MCIDAS: variants seen among roughly 807,000 people sequenced by gnomAD.
MCIDAS encodes multicilin.
Under a neutral mutation model 35.4 loss-of-function variants are expected in MCIDAS, and 23 were observed. The observed-to-expected ratio is 0.65, with a 90% confidence interval of 0.47 to 0.92. The LOEUF is 0.92. MCIDAS is among the 40% of genes least tolerant of loss of function. The pLI is 0.00. For missense variants in MCIDAS, 480 were observed against 531.8 expected, an observed-to-expected ratio of 0.90 and a Z score of 0.96; for synonymous variants, 228 against 235.2, an observed-to-expected ratio of 0.97 and a Z score of 0.28.
chr5:55,221,219 A>T, intron 5 of MCIDAS, 93 bp from the exon 6 acceptor site: 1 of 790,568 alleles, frequency 1.3e-6, no homozygotes. Flanking sequence ...CTGACGTCTC[A>T]TCAGGAACTG....
rs1315556069 is a variant in MCIDAS, at chr5:55,226,864, G to C, written c.188C>G (p.Pro63Arg). 9.3e-6 allele frequency: 13 copies of C among 1,390,730 alleles called. No individual in the cohort carries two copies. The East Asian group carries it at 3.6e-4, about 39-fold the overall frequency. 86.1% of individuals were successfully genotyped at this position (1,390,730 alleles called of 1,614,324 possible). A position where few individuals can be genotyped will look rare whatever the true frequency, so the allele number is the denominator to read the frequency against. Reference sequence around the variant, plus strand: ...CAGCGCTGTGGGCTCGGCGTCCGGGGGATCCTCGTACACCGACACCGGGCT... The same window carrying C: ...CAGCGCTGTGGGCTCGGCGTCCGGGCGATCCTCGTACACCGACACCGGGCT... ...GGSPVSVYED[P>R]PDAEPTALPA... Residue 63 changes from proline to arginine, a missense_variant, in exon 2 of 7, where the codon CCC (proline) becomes CGC (arginine). By Grantham distance (103) the Pro-to-Arg change is moderately radical. Coordinates refer to ENST00000513312, the MANE Select transcript of MCIDAS (RefSeq NM_001190787.3).
In MCIDAS at chr5:55,222,158, C is replaced by T; in HGVS notation, c.606+18G>A. On this transcript the variant is annotated intron_variant, in intron 5 of 6. Transcript: ENST00000513312. ...GTCCCTGCCCCAGGATTCCTGGTCGCCAGACCAGTGTCCCTACTTGATTAT... is the reference window on the plus strand; with the variant it reads ...GTCCCTGCCCCAGGATTCCTGGTCGTCAGACCAGTGTCCCTACTTGATTAT... 6.5e-7 allele frequency: 1 copy of T among 1,533,338 alleles called. No homozygotes were observed. Among genetic ancestry groups the T allele is most frequent in the Non-Finnish European group, 8.7e-7 (1 of 1,146,078 alleles). 95.0% of individuals were successfully genotyped at this position (1,533,338 alleles called of 1,614,324 possible). A position where few individuals can be genotyped will look rare whatever the true frequency, so the allele number is the denominator to read the frequency against.
chr5:55,226,671 C>T lies in MCIDAS; in HGVS notation c.218-4G>A. On this transcript the variant is annotated splice_polypyrimidine_tract_variant and splice_region_variant and intron_variant, in intron 2 of 6. Coordinates refer to ENST00000513312, the MANE Select transcript of MCIDAS (RefSeq NM_001190787.3). ...TGCAGGTCTATGGTGGTGAGGGCTG[C>T]GCGGGGAGACCGGGAGACACGCGCC... The T allele has an allele frequency of 1.3e-6, 2 of 1,497,596 alleles. No homozygotes were observed. Among genetic ancestry groups the T allele is most frequent in the African/African-American group, 1.4e-5 (1 of 70,876 alleles). The allele number at this position is 1,497,596 out of a possible 1,614,324, so 92.8% of individuals were successfully genotyped here.
rs1412252120 is a variant in MCIDAS at position 55,223,462 on chromosome 5, C to G, written c.310-439G>C. On this transcript the variant is annotated intron_variant, in intron 3 of 6. Transcript: ENST00000513312. This position sits in a 1 kb window ranked among gnomAD's most constrained non-coding sequence, Gnocchi z 4.4. Reference sequence around the variant, plus strand: ...CGGTGCGGCGGCCCTGCGCCGGCTCCGGGCAGCCGAGTAGCCCGCCACCCA... The same window carrying G: ...CGGTGCGGCGGCCCTGCGCCGGCTCGGGGCAGCCGAGTAGCCCGCCACCCA... Among the ~76,000 whole-genome samples, 2 of 152,310 alleles carry G rather than the reference C, an allele frequency of 1.3e-5. No individual in the cohort carries two copies. The highest frequency in any genetic ancestry group is 4.8e-5 in the African/African-American group (2 of 41,568).
Position 55,220,756 on chromosome 5 carries a change from G to C in MCIDAS, c.768C>G (p.Phe256Leu). The change falls in exon 7 of 7, where the codon TTC becomes TTG. Residue 256 changes from phenylalanine (F) to leucine (L), a missense_variant. Coordinates refer to ENST00000513312, the MANE Select transcript of MCIDAS (RefSeq NM_001190787.3). ...SRDCGAAAEP[F>L]LLKAKAKRSL... The stretch of plus-strand genomic sequence containing the variant: ...TCCTTTTGGCCTTCGCCTTGAGCAG[G>C]AAGGGCTCGGCCGCCGCCCCACAAT... The C allele has an allele frequency of 6.5e-7, 1 of 1,534,540 alleles. No homozygotes were observed. Among genetic ancestry groups the C allele is most frequent in the Non-Finnish European group, 8.7e-7 (1 of 1,145,628 alleles).
In MCIDAS at chr5:55,221,235, G is replaced by T. The variant is rs1275240785; in HGVS notation, c.607-109C>A. ...TGACGTCTCATCAGGAACTGGGGAC[G>T]CACAGGCATTTACGCTAGTGAGAAT... On this transcript the variant is annotated intron_variant, in intron 5 of 6. Transcript: ENST00000513312. The T allele has an allele frequency of 5.8e-6, 4 of 684,346 alleles. No homozygotes were observed. In the African/African-American group the frequency reaches 7.3e-5, roughly 13 times the overall value. 42.4% of individuals were successfully genotyped at this position (684,346 alleles called of 1,614,324 possible). A position where few individuals can be genotyped will look rare whatever the true frequency, so the allele number is the denominator to read the frequency against.
At chr5:55,226,531 T>G in intron 3 of MCIDAS, 45 bp downstream of exon 3, 2 of 1,508,408 alleles carry the variant, frequency 1.3e-6, no homozygotes, top group Non-Finnish European at 1.8e-6. Context: ...CGGAGGAGGG[T>G]TTGGGTTGCG....
intron 2 of MCIDAS, 57 bp downstream of exon 2, chr5:55,226,778 G>A: frequency 3.6e-6 from 5 of 1,390,512 alleles, no homozygotes; most frequent in Non-Finnish European, 4.6e-6. Flanking sequence ...AGCTGTGCGC[G>A]CCGCACCCTC....
chr5:55,220,906 A>G, intron 6 of MCIDAS, 100 bp from the exon 7 acceptor site: 1 of 1,451,254 alleles, frequency 6.9e-7, no homozygotes, highest in East Asian at 2.5e-5. Flanking sequence ...CCACGCACTC[A>G]GCGGTACTCT....
Position 55,222,944 on chromosome 5 carries a change from C to T in MCIDAS, c.382+7G>A, listed in dbSNP as rs1580404095. ...CTGTTATTTAACTGCCAGGAGACTG[C>T]ACTTGCCTGAAATGAGATCATCCAC... is the stretch of plus-strand genomic sequence containing the variant. On this transcript the variant is annotated splice_region_variant and intron_variant, in intron 4 of 6. Coordinates refer to ENST00000513312, the MANE Select transcript of MCIDAS (RefSeq NM_001190787.3). 3.9e-6 allele frequency: 6 copies of T among 1,535,740 alleles called. No individual in the cohort carries two copies. In the African/African-American group the frequency reaches 5.5e-5, roughly 14 times the overall value.
chr5:55,222,088 C>G, intron 5 of MCIDAS, 88 bp downstream of exon 5: 64 of 1,231,136 alleles, frequency 5.2e-5, no homozygotes, highest in Non-Finnish European at 6.2e-5. Context: ...ACTCACAGGA[C>G]CTCATCTTCT....
rs775778104 is a variant in MCIDAS, at chr5:55,226,842, C to T, written c.210G>A (p.Ala70=). ...YEDPPDAEPT[A]LPALTTIDLQ... The stretch of plus-strand genomic sequence containing the variant: ...GGGTGCCACGGGGCTCACCTGGCAG[C>T]GCTGTGGGCTCGGCGTCCGGGGGAT... Residue 70 remains alanine, a synonymous_variant, in exon 2 of 7, where the codon GCG becomes GCA. Transcript: ENST00000513312. The T allele has an allele frequency of 2.1e-4, 290 of 1,388,938 alleles. No homozygotes were observed. Among genetic ancestry groups the T allele is most frequent in the Non-Finnish European group, 2.6e-4 (279 of 1,077,940 alleles). The allele number at this position is 1,388,938 out of a possible 1,614,324, so 86.0% of individuals were successfully genotyped here.
rs1561115858 is a variant in MCIDAS, at chr5:55,222,960, G to T, written c.373C>A (p.Leu125Ile). Residue 125 changes from leucine to isoleucine, a missense_variant, in exon 4 of 7, where the codon CTC (leucine) becomes ATC (isoleucine). Coordinates refer to ENST00000513312, the MANE Select transcript of MCIDAS (RefSeq NM_001190787.3). The part of the protein sequence containing the change: ...LQDFRDTVDD[L>I]ISDSSSMMSP... ...AGGAGACTGCACTTGCCTGAAATGAGATCATCCACCGTGTCTCTGAAATCT... is the reference window on the plus strand; with the variant it reads ...AGGAGACTGCACTTGCCTGAAATGATATCATCCACCGTGTCTCTGAAATCT... 3 of 1,536,040 alleles carry T rather than the reference G, an allele frequency of 2.0e-6. No individual in the cohort carries two copies. Among genetic ancestry groups the T allele is most frequent in the Non-Finnish European group, 2.6e-6 (3 of 1,146,854 alleles).
At chr5:55,220,955 G>A (rs1745345523) in intron 6 of MCIDAS, 61 bp downstream of exon 6, 2 of 1,470,044 alleles carry the variant, frequency 1.4e-6, no homozygotes, top group Middle Eastern at 1.8e-4. Context: ...GCTGGGCGGG[G>A]ATGCACTGAA....
chr5:55,220,711 G>A lies in MCIDAS; in HGVS notation c.813C>T (p.Ser271=). Residue 271 remains serine, a synonymous_variant, in exon 7 of 7, where the codon AGC becomes AGT. Coordinates refer to ENST00000513312, the MANE Select transcript of MCIDAS (RefSeq NM_001190787.3). ...KAKRSLEELV[S]AAGQDCAEVD... ...CTTCCGCGCAATCCTGCCCCGCAGCGCTGACCAACTCCTCCAGGCTCCTTT... is the reference window on the plus strand; with the variant it reads ...CTTCCGCGCAATCCTGCCCCGCAGCACTGACCAACTCCTCCAGGCTCCTTT... 4 of 1,536,014 alleles carry A rather than the reference G, an allele frequency of 2.6e-6. No individual in the cohort carries two copies. The highest frequency in any genetic ancestry group is 2.4e-5 in the South Asian group (2 of 84,060).
At position 55,222,945 on chromosome 5, in the gene MCIDAS, A is replaced by C. The variant is rs1353624951; in HGVS notation, c.382+6T>G. 1.3e-6 allele frequency: 2 copies of C among 1,535,862 alleles called. No homozygotes were observed. The highest frequency in any genetic ancestry group is 2.4e-5 in the East Asian group (1 of 40,914). ...TGTTATTTAACTGCCAGGAGACTGC[A>C]CTTGCCTGAAATGAGATCATCCACC... On this transcript the variant is annotated splice_donor_region_variant and intron_variant, in intron 4 of 6. Coordinates refer to ENST00000513312, the MANE Select transcript of MCIDAS (RefSeq NM_001190787.3).
Position 55,222,360 on chromosome 5 carries a change from T to A in MCIDAS, c.422A>T (p.Asp141Val), listed in dbSNP as rs759891799. The A allele has an allele frequency of 1.3e-6, 2 of 1,528,070 alleles. No homozygotes were observed. The highest frequency in any genetic ancestry group is 2.0e-5 in the Admixed American group (1 of 50,566). 94.7% of individuals were successfully genotyped at this position (1,528,070 alleles called of 1,614,324 possible). The part of the protein sequence containing the change: ...SMMSPTLASG[D>V]FPFSPCDISP... ...TATGTCGCAAGGAGAGAAGGGGAAG[T>A]CTCCGCTGGCCAGGGTAGGCGACAT... The change falls in exon 5 of 7, where the codon GAC becomes GTC. Residue 141 changes from aspartate to valine, a missense_variant. Coordinates refer to ENST00000513312, the MANE Select transcript of MCIDAS (RefSeq NM_001190787.3).
chr5:55,222,225 G>A lies in MCIDAS; in HGVS notation c.557C>T (p.Ala186Val). The change falls in exon 5 of 7, where the codon GCG becomes GTG. Residue 186 changes from alanine to valine, a missense_variant. Physicochemically the swap from Ala to Val is moderately conservative, Grantham distance 64. Coordinates refer to ENST00000513312, the MANE Select transcript of MCIDAS (RefSeq NM_001190787.3). ...PPPEQYWKEV[A>V]DQNQRALGDA... ...TCCCAACGCTCTCTGGTTCTGGTCC[G>A]CCACCTCCTTCCAGTATTGCTCAGG... is the stretch of plus-strand genomic sequence containing the variant. 6.5e-7 allele frequency: 1 copy of A among 1,535,718 alleles called. No homozygotes were observed. Among genetic ancestry groups the A allele is most frequent in the Non-Finnish European group, 8.7e-7 (1 of 1,146,898 alleles).
Position 55,226,618 on chromosome 5 carries a change from G to A in MCIDAS, c.267C>T (p.Leu89=). ...CACCACCAGGCGGCGCGTCGGACCC[G>A]AGTAGCGAAGAGCAGTCAGCGAGGT... ...LQDLADCSSL[L]GSDAPPGGDL... The change falls in exon 3 of 7, where the codon CTC becomes CTT. Residue 89 remains leucine, a synonymous_variant. Coordinates refer to ENST00000513312, the MANE Select transcript of MCIDAS (RefSeq NM_001190787.3). 2.6e-6 allele frequency: 4 copies of A among 1,532,820 alleles called. No homozygotes were observed. The African/African-American group carries it at 5.5e-5, about 21-fold the overall frequency. The allele number at this position is 1,532,820 out of a possible 1,614,324, so 95.0% of individuals were successfully genotyped here. A position where few individuals can be genotyped will look rare whatever the true frequency, so the allele number is the denominator to read the frequency against.
Sources: gnomAD v4.1 joint callset for allele counts (sites outside exome capture counted in the v4.1 genomes callset) on GRCh38, gnomAD v4.1.1 for gene constraint, Gnocchi (gnomAD v3.1) non-coding constraint, MANE v1.5 for transcripts, NCBI Gene and HGNC (gene_info 2026-07-23, HGNC 2026-07-21) for gene names.